DAB1: variants seen among roughly 807,000 people sequenced by gnomAD.
DAB1 encodes the protein DAB adaptor protein 1, also known as disabled homolog 1.
In DAB1, 15 loss-of-function variants were observed where a neutral mutation model predicts 64.6. That is an observed-to-expected ratio of 0.23 (90% CI 0.16 to 0.36). The LOEUF (loss-of-function observed/expected upper bound fraction) is 0.36, where lower values mean the gene tolerates loss of function less well. Ranked by LOEUF, DAB1 falls within the 10% of genes least tolerant of loss-of-function variation. The pLI, the probability that DAB1 is intolerant of heterozygous loss-of-function variation, is 1.00. For missense variants in DAB1, 596 were observed against 706.7 expected, an observed-to-expected ratio of 0.84 and a Z score of 1.78; for synonymous variants, 235 against 251.9, an observed-to-expected ratio of 0.93 and a Z score of 0.64.
intron 4 of DAB1, among the ~76,000 whole-genome samples, chr1:58,292,307 A>T (rs1389026770): frequency 6.6e-6 from 1 of 152,194 alleles, no homozygotes; most frequent in Non-Finnish European, 1.5e-5. Context: ...AAAGATGGAG[A>T]GATGCACAGA....
intron 4 of DAB1, among the ~76,000 whole-genome samples, chr1:57,090,191 T>C (rs1189113629): frequency 6.6e-6 from 1 of 152,200 alleles, no homozygotes; most frequent in Non-Finnish European, 1.5e-5. Context: ...CAAAGAGATG[T>C]GCTAAAAATA....
intron 7 of DAB1, among the ~76,000 whole-genome samples, chr1:57,588,255 G>A (rs749852110): frequency 3.9e-5 from 6 of 152,156 alleles, no homozygotes; most frequent in Non-Finnish European, 7.3e-5. Context: ...TTCTGTTACA[G>A]TTTCTCCCTT....
intron 4 of DAB1, among the ~76,000 whole-genome samples, chr1:58,175,090 G>A (rs2100773630): frequency 6.6e-6 from 1 of 152,312 alleles, no homozygotes; most frequent in South Asian, 2.1e-4. Context: ...CGGAAGCTTT[G>A]TTCTTTCACT....
chr1:57,590,740 AC>A (rs1645436157), intron 7 of DAB1, among the ~76,000 whole-genome samples: 1 of 68,300 alleles, frequency 1.5e-5, no homozygotes, highest in Non-Finnish European at 3.5e-5. Context: ...TCCGTAACAC[AC>A]ACACACACAC....
At chr1:58,135,916 C>T (rs1361625566) in intron 5 of DAB1, among the ~76,000 whole-genome samples, 1 of 151,954 alleles carries the variant, frequency 6.6e-6, no homozygotes, top group East Asian at 1.9e-4. Flanking sequence ...CCACCAACTC[C>T]CTCTGTAGCC....
intron 5 of DAB1, among the ~76,000 whole-genome samples, chr1:57,910,502 T>A (rs1557550620): frequency 6.6e-6 from 1 of 152,194 alleles, no homozygotes. Context: ...CTTTCTATTT[T>A]AACAAACAGT....
At chr1:57,428,676 C>G (rs917551462), upstream of DAB1, among the ~76,000 whole-genome samples, 1 of 151,976 alleles carries the variant, frequency 6.6e-6, no homozygotes, top group Non-Finnish European at 1.5e-5. Context: ...CAGATATATA[C>G]CCAGAAGTGG....
rs151313310 is a variant in DAB1 at position 57,723,791 on chromosome 1, G to A, written n.552-74126C>T. Among the ~76,000 whole-genome samples, 316 of 152,170 alleles carry A rather than the reference G, an allele frequency of 2.1e-3. 1 individual carries two copies. The highest frequency in any genetic ancestry group is 6.8e-3 in the African/African-American group (282 of 41,494). On this transcript the variant is annotated intron_variant and non_coding_transcript_variant, in intron 6 of 20. Coordinates refer to the DAB1 transcript ENST00000485760. Reference sequence around the variant, plus strand: ...TTTTTTTTGTTTCTACTGCTCTCAGGGTTCTGTTAGGAATGTTATTGATTG... The same window carrying A: ...TTTTTTTTGTTTCTACTGCTCTCAGAGTTCTGTTAGGAATGTTATTGATTG...
chr1:57,254,495 T>C (rs974355515), intron 2 of DAB1, among the ~76,000 whole-genome samples: 5 of 152,240 alleles, frequency 3.3e-5, no homozygotes, highest in Admixed American at 3.3e-4. Context: ...GAGGTAAGTA[T>C]ACACGAAACA....
intron 2 of DAB1, among the ~76,000 whole-genome samples, chr1:58,510,254 C>T (rs1405165432): frequency 6.6e-6 from 1 of 152,000 alleles, no homozygotes; most frequent in African/African-American, 2.4e-5. Flanking sequence ...AAGCCAAATT[C>T]AAGATCATAT....
intron 2 of DAB1, among the ~76,000 whole-genome samples, chr1:57,269,850 G>A (rs1670860417): frequency 6.6e-6 from 1 of 152,152 alleles, no homozygotes; most frequent in Admixed American, 6.5e-5. Context: ...ATCATGTATG[G>A]CAGGAGGTAG....
intron 5 of DAB1, among the ~76,000 whole-genome samples, chr1:58,049,775 A>G (rs1025780843): frequency 1.3e-5 from 2 of 152,178 alleles, no homozygotes; most frequent in African/African-American, 4.8e-5. Flanking sequence ...TATTTATTCA[A>G]TAGATACTTA....
At chr1:57,918,692 C>T (rs535647791) in intron 5 of DAB1, among the ~76,000 whole-genome samples, 22 of 152,192 alleles carry the variant, frequency 1.4e-4, no homozygotes, top group East Asian at 1.4e-3. Context: ...GGCATGGTGG[C>T]GGGCACCTGT....
intron 4 of DAB1, among the ~76,000 whole-genome samples, chr1:58,213,934 G>A (rs1029130973): frequency 3.9e-5 from 6 of 151,966 alleles, no homozygotes; most frequent in Admixed American, 3.3e-4. Context: ...CATCTCTTAC[G>A]TGGATTACTC....
intron 7 of DAB1, among the ~76,000 whole-genome samples, chr1:57,523,163 C>A (rs72676940): frequency 6.6e-6 from 1 of 152,132 alleles, no homozygotes; most frequent in Non-Finnish European, 1.5e-5. Flanking sequence ...CTCTAGAGAA[C>A]CCTGACGAAT....
At chr1:57,259,192 T>A (rs917812555) in intron 2 of DAB1, among the ~76,000 whole-genome samples, 5 of 152,176 alleles carry the variant, frequency 3.3e-5, no homozygotes, top group African/African-American at 9.7e-5. Context: ...CAGGCCACTG[T>A]CTGACCTCTT....
chr1:57,340,235 T>C (rs1315954750), intron 1 of DAB1, among the ~76,000 whole-genome samples: 2 of 152,162 alleles, frequency 1.3e-5, no homozygotes, highest in Non-Finnish European at 2.9e-5. Context: ...CAAACAAAAA[T>C]GCAGATCACT....
At chr1:58,143,087 G>A (rs1014493197) in intron 5 of DAB1, among the ~76,000 whole-genome samples, 1 of 152,046 alleles carries the variant, frequency 6.6e-6, no homozygotes, top group Non-Finnish European at 1.5e-5. Flanking sequence ...GTTTCAGTAG[G>A]CCCTCCAGAA....
At chr1:57,484,833 T>C (rs1049064790) in intron 7 of DAB1, among the ~76,000 whole-genome samples, 2 of 152,144 alleles carry the variant, frequency 1.3e-5, no homozygotes, top group African/African-American at 4.8e-5. Context: ...GAATATTGGT[T>C]CTAGAAGTTG....
Sources: allele counts gnomAD v4.1 joint callset (sites outside exome capture counted in the v4.1 genomes callset), GRCh38; gene constraint gnomAD v4.1.1; transcripts MANE v1.5; gene names NCBI Gene and HGNC (gene_info 2026-07-23, HGNC 2026-07-21).